Variants in ZNF658 observed in about 807,000 individuals in gnomAD.
ZNF658 encodes the protein zinc finger protein 658.
Under a neutral mutation model 78.0 loss-of-function variants are expected in ZNF658, and 46 were observed. The observed-to-expected ratio is 0.59, with a 90% CI of 0.47 to 0.75. The LOEUF is 0.75. Ranked by LOEUF, ZNF658 falls within the 30% of genes least tolerant of loss-of-function variation. The pLI is 0.00. For missense variants in ZNF658, 785 were observed against 1,189.3 expected (o/e 0.66, Z 5.00); for synonymous variants, 279 against 408.4 (o/e 0.68, Z 3.82).
downstream of ZNF658, among the ~76,000 whole-genome samples, chr9:66,921,969 C>T (rs1399883208): frequency 1.7e-5 from 2 of 120,378 alleles, no homozygotes; most frequent in Non-Finnish European, 3.5e-5. Context: ...CAGAGGCAGG[C>T]AGGCCTCCTT....
chr9:66,900,789 G>A lies in ZNF658; in HGVS notation c.-92G>A, dbSNP rs1476395594. On this transcript the variant is annotated 5_prime_UTR_variant, in exon 1 of 5. In the 5' UTR this introduces an upstream ATG that the reference lacks. Transcript: ENST00000621410. ...CCCTCCCGGGCCTGAAAGGGACACG[G>A]TGTCCGAGTCTTTAGGTCTGCGCGG... 6.6e-6 allele frequency: 1 copy of A among 152,308 alleles called. No homozygotes were observed. Among genetic ancestry groups the A allele is most frequent in the Non-Finnish European group, 1.5e-5 (1 of 68,098 alleles). The allele number at this position is 152,308 out of a possible 1,614,324, so 9.4% of individuals were successfully genotyped here.
Position 66,919,395 on chromosome 9 carries a change from CTT to C in ZNF658, c.1832_1833del (p.Phe611CysfsTer3). The C allele has an allele frequency of 1.3e-6, 2 of 1,569,542 alleles. No individual in the cohort carries two copies. The highest frequency in any genetic ancestry group is 1.7e-6 in the Non-Finnish European group (2 of 1,163,014). On this transcript the variant is annotated frameshift_variant, in exon 5 of 5. Transcript: ENST00000621410. LOFTEE classifies it high-confidence loss of function. The stretch of plus-strand genomic sequence containing the variant: ...TATGAATGCAGTGACTGTGAGAAAA[CTT>C]TTGCCCATAATTCAGCCCTCAGAGC...
chr9:66,915,053 GCACACACACACACA>G (rs10608839), intron 4 of ZNF658, among the ~76,000 whole-genome samples: 1,693 of 143,664 alleles, frequency 0.012, 24 homozygotes, highest in African/African-American at 0.042. Flanking sequence ...CTTTGGAATT[GCACACACACACACA>G]CACACACACA....
rs1244929601 is a variant in ZNF658, at chr9:66,908,662, G to A, written c.166G>A (p.Val56Met). 4 of 1,526,492 alleles carry A rather than the reference G, an allele frequency of 2.6e-6. No individual in the cohort carries two copies. Among genetic ancestry groups the A allele is most frequent in the Middle Eastern group, 1.7e-4 (1 of 5,826 alleles). The allele number at this position is 1,526,492 out of a possible 1,614,324, so 94.6% of individuals were successfully genotyped here. A position where few individuals can be genotyped will look rare whatever the true frequency, so the allele number is the denominator to read the frequency against. The change falls in exon 4 of 5, where the codon GTG (valine) becomes ATG (methionine). Residue 56 changes from valine to methionine, a missense_variant. Physicochemically the swap from Val to Met is conservative, Grantham distance 21. This residue lies in a region of ZNF658 where 79 missense variants were observed against 96.5 expected (regional missense o/e 0.82). Coordinates refer to ENST00000621410, the MANE Select transcript of ZNF658 (RefSeq NM_033160.7). ...SVGYCITKPKVISKLEKGEEP... is the reference protein window; with the variant it reads ...SVGYCITKPKMISKLEKGEEP... The stretch of plus-strand genomic sequence containing the variant: ...AGGATATTGCATTACTAAACCTAAG[G>A]TGATCTCCAAGTTGGAGAAAGGAGA...
downstream of ZNF658, among the ~76,000 whole-genome samples, chr9:66,925,448 T>A (rs1371809895): frequency 6.6e-6 from 1 of 152,066 alleles, no homozygotes; most frequent in Admixed American, 6.5e-5. Context: ...CATAAGAAAC[T>A]GCTGTGAGAA....
At position 66,915,690 on chromosome 9, in the gene ZNF658, T is replaced by C. The variant is rs541809431; in HGVS notation, c.239-2115T>C. On this transcript the variant is annotated intron_variant, in intron 4 of 4. Transcript: ENST00000621410. ...GTTTTATTATCTCTTGAATGTCTGT[T>C]AGTAGTTAGTCCTCTCTTGAATTTT... Among the ~76,000 whole-genome samples, 16 of 152,058 alleles carry C rather than the reference T, an allele frequency of 1.1e-4. No homozygotes were observed. In the East Asian group the frequency reaches 1.9e-3, roughly 18 times the overall value.
intron 1 of ZNF658, among the ~76,000 whole-genome samples, chr9:66,901,470 T>A (rs1017373634): frequency 5.3e-5 from 8 of 151,198 alleles, no homozygotes; most frequent in African/African-American, 1.9e-4. Context: ...TAGATGATTG[T>A]GAAGTAAATG....
At chr9:66,912,132 CAAAA>C (rs1204033388) in intron 4 of ZNF658, among the ~76,000 whole-genome samples, 1 of 49,366 alleles carries the variant, frequency 2.0e-5, no homozygotes, top group African/African-American at 1.4e-4. Context: ...GACCCCATCT[CAAAA>C]AAAAAAAAAA....
chr9:66,918,241 T>G lies in ZNF658; in HGVS notation c.675T>G (p.Tyr225Ter). The change falls in exon 5 of 5, where the codon TAT (tyrosine) becomes TAG (stop). Residue 225 changes from tyrosine (Y) to a stop codon, truncating the protein, a stop_gained. Transcript: ENST00000621410. LOFTEE classifies it high-confidence loss of function. ...GTGATGGATCTGGACAAGGTTTATA[T>G]GATAAGACAATTTGTATTACACCTC... ...FECDGSGQGL[Y>*]DKTICITPQS... The G allele has an allele frequency of 6.2e-7, 1 of 1,606,170 alleles. No homozygotes were observed. The highest frequency in any genetic ancestry group is 8.5e-7 in the Non-Finnish European group (1 of 1,176,978).
chr9:66,918,718 T>A lies in ZNF658; in HGVS notation c.1152T>A (p.Asp384Glu), dbSNP rs757933542. The change falls in exon 5 of 5, where the codon GAT becomes GAA. Residue 384 changes from aspartate (D) to glutamate (E), a missense_variant. Coordinates refer to ENST00000621410, the MANE Select transcript of ZNF658 (RefSeq NM_033160.7). The part of the protein sequence containing the change: ...IHTEDKFYLS[D>E]EHGKCRKSFY... ...CAGAAGATAAATTCTACCTTTCTGA[T>A]GAACATGGGAAATGCAGAAAATCCT... The A allele has an allele frequency of 1.9e-6, 3 of 1,613,970 alleles. No homozygotes were observed. In the South Asian group the frequency reaches 3.3e-5, roughly 18 times the overall value.
At chr9:66,915,073 A>G in intron 4 of ZNF658, among the ~76,000 whole-genome samples, 1 of 151,630 alleles carries the variant, frequency 6.6e-6, no homozygotes, top group African/African-American at 2.4e-5. Context: ...ACACACACAC[A>G]CACACACACA....
chr9:66,914,632 A>G (rs1822291090), intron 4 of ZNF658, among the ~76,000 whole-genome samples: 1 of 152,064 alleles, frequency 6.6e-6, no homozygotes, highest in African/African-American at 2.4e-5. Flanking sequence ...GAATTTTGTT[A>G]AAATTTTTGG....
chr9:66,917,901 G>C lies in ZNF658; in HGVS notation c.335G>C (p.Ser112Thr). Residue 112 changes from serine to threonine, a missense_variant, in exon 5 of 5, where the codon AGT becomes ACT. By Grantham distance (58) the Ser-to-Thr change is moderately conservative (BLOSUM62 1). This residue lies in a region of ZNF658 where 54 missense variants were observed against 48.9 expected (regional missense o/e 1.10). Transcript: ENST00000621410. ...IFISDADKTL[S>T]KEGQKVLEKP... ...ATCAGTGATGCTGACAAAACATTGA[G>C]TAAAGAAGGACAGAAAGTTTTAGAA... The C allele has an allele frequency of 6.2e-7, 1 of 1,608,662 alleles. No homozygotes were observed. The highest frequency in any genetic ancestry group is 1.1e-5 in the South Asian group (1 of 90,520).
chr9:66,913,624 C>T (rs1446207392), intron 4 of ZNF658, among the ~76,000 whole-genome samples: 1 of 151,686 alleles, frequency 6.6e-6, no homozygotes, highest in African/African-American at 2.4e-5. Flanking sequence ...TTTACAGAAC[C>T]TGCTTTTGTT....
intron 6 of ZNF658, among the ~76,000 whole-genome samples, chr9:66,930,802 A>G (rs906126813): frequency 6.6e-5 from 10 of 150,782 alleles, no homozygotes; most frequent in African/African-American, 2.4e-5. Context: ...TTTGCCCACA[A>G]ATGAACTCTG....
At chr9:66,921,635 G>A (rs1254044328), downstream of ZNF658, among the ~76,000 whole-genome samples, 5 of 152,166 alleles carry the variant, frequency 3.3e-5, no homozygotes, top group African/African-American at 1.2e-4. Context: ...TGGAGAATGT[G>A]AATAAATGTG....
rs1165611922 is a variant in ZNF658, at chr9:66,905,068, C to CTTTTTTTTTTTTTTTTTTTTT, written c.15+1497_15+1517dup. 4.4e-4 allele frequency among the ~76,000 whole-genome samples: 14 copies of CTTTTTTTTTTTTTTTTTTTTT among 31,762 alleles called. 2 individuals are homozygous for CTTTTTTTTTTTTTTTTTTTTT. Among genetic ancestry groups the CTTTTTTTTTTTTTTTTTTTTT allele is most frequent in the Admixed American group, 1.7e-3 (3 of 1,770 alleles). The allele number at this position is 31,762 out of a possible 152,430, so 20.8% of individuals were successfully genotyped here. ...CTTTTTTCTTTTCTCTTTTTCTTTT[C>CTTTTTTTTTTTTTTTTTTTTT]TTTTTTTTTTTTTTTTTTTTTTTTT... On this transcript the variant is annotated intron_variant, in intron 2 of 4. Transcript: ENST00000621410.
At chr9:66,905,077 T>TC (rs1344455583) in intron 2 of ZNF658, among the ~76,000 whole-genome samples, 2 of 106,072 alleles carry the variant, frequency 1.9e-5, no homozygotes, top group African/African-American at 3.9e-5. Context: ...TCTTTTTTTT[T>TC]TTTTTTTTTT....
chr9:66,911,240 G>A (rs1464975805), intron 4 of ZNF658, among the ~76,000 whole-genome samples: 6 of 109,258 alleles, frequency 5.5e-5, no homozygotes, highest in Non-Finnish European at 1.1e-4. Flanking sequence ...TTAGTCTAAA[G>A]AGAAAACCTC....
Sources: gnomAD v4.1 joint callset for allele counts (sites outside exome capture counted in the v4.1 genomes callset) on GRCh38, gnomAD v4.1.1 for gene constraint, gnomAD v4.1.1 regional missense constraint, MANE v1.5 for transcripts, NCBI Gene and HGNC (gene_info 2026-07-23, HGNC 2026-07-21) for gene names.